Variants in ANKRD6 observed in about 807,000 individuals in gnomAD.
ANKRD6 encodes ankyrin repeat domain 6.
Under a neutral mutation model 82.3 loss-of-function variants are expected in ANKRD6, and 56 were observed. The observed-to-expected ratio is 0.68, with a 90% CI of 0.55 to 0.85. The LOEUF (loss-of-function observed/expected upper bound fraction) is 0.85, where lower values mean the gene tolerates loss of function less well. Among genes scored for constraint, ANKRD6 ranks in the 40% least tolerant of loss-of-function variants. ANKRD6 has a pLI of 0.00. For missense variants in ANKRD6, 852 were observed against 907.6 expected, an observed-to-expected ratio of 0.94 and a Z score of 0.79; for synonymous variants, 347 against 352.1, an observed-to-expected ratio of 0.99 and a Z score of 0.16.
chr6:89,445,470 T>A (rs1010330709), intron 1 of ANKRD6, among the ~76,000 whole-genome samples: 2 of 151,328 alleles, frequency 1.3e-5, no homozygotes, highest in Admixed American at 6.6e-5. Flanking sequence ...TTATTTGACA[T>A]GGAGTCTCCC....
rs532273714 is a variant in ANKRD6, at chr6:89,433,211, G to C, written c.-308G>C. The stretch of plus-strand genomic sequence containing the variant: ...GCCACAGGTAACCCGCAGGAGCCGA[G>C]AGCGCTGCCTGGCGCGCGGGCGGCT... On this transcript the variant is annotated 5_prime_UTR_variant, in exon 1 of 16. Transcript: ENST00000339746. This position sits in a 1 kb window ranked among gnomAD's most constrained non-coding sequence, Gnocchi z 4.3. 4.6e-5 allele frequency: 7 copies of C among 151,746 alleles called. No individual in the cohort carries two copies. The highest frequency in any genetic ancestry group is 1.7e-4 in the African/African-American group (7 of 41,484). 9.4% of individuals were successfully genotyped at this position (151,746 alleles called of 1,614,324 possible). A position where few individuals can be genotyped will look rare whatever the true frequency, so the allele number is the denominator to read the frequency against.
intron 2 of ANKRD6, among the ~76,000 whole-genome samples, chr6:89,577,654 C>T (rs753461091): frequency 1.3e-5 from 2 of 152,126 alleles, no homozygotes; most frequent in Non-Finnish European, 2.9e-5. Context: ...CCTGTCTTTA[C>T]AGAAAATAAA....
intron 1 of ANKRD6, among the ~76,000 whole-genome samples, chr6:89,437,144 TA>T (rs1457746682): frequency 6.6e-6 from 1 of 152,186 alleles, no homozygotes; most frequent in East Asian, 1.9e-4. Context: ...AATGGTTTCC[TA>T]AGTCAAAAAA....
chr6:89,554,446 C>CTTT (rs11484125), intron 1 of ANKRD6, among the ~76,000 whole-genome samples: 290 of 149,610 alleles, frequency 1.9e-3, no homozygotes, highest in African/African-American at 5.2e-3. Context: ...TTAATCACGT[C>CTTT]TTTTTTTTTT....
chr6:89,535,416 AAC>A (rs1253568054), intron 1 of ANKRD6, among the ~76,000 whole-genome samples: 1 of 152,226 alleles, frequency 6.6e-6, no homozygotes, highest in African/African-American at 2.4e-5. Context: ...CAGCTGAAAC[AAC>A]AGACTAAAAC....
At chr6:89,574,053 C>T (rs1427188803) in intron 2 of ANKRD6, among the ~76,000 whole-genome samples, 1 of 152,188 alleles carries the variant, frequency 6.6e-6, no homozygotes, top group Non-Finnish European at 1.5e-5. Context: ...CATAGTGTCT[C>T]TCTTACATTT....
intron 14 of ANKRD6, 124 bp downstream of exon 14, chr6:89,627,820 G>A (rs1175354429): frequency 2.8e-6 from 2 of 711,106 alleles, no homozygotes; most frequent in Non-Finnish European, 4.6e-6. Flanking sequence ...ATTATATAGT[G>A]TATCATTTTT....
intron 1 of ANKRD6, among the ~76,000 whole-genome samples, chr6:89,497,468 T>C (rs1778761327): frequency 6.6e-6 from 1 of 152,170 alleles, no homozygotes; most frequent in Non-Finnish European, 1.5e-5. Flanking sequence ...TATTTATAAT[T>C]TTCTGCTTTG....
chr6:89,598,938 T>C (rs1032406755), intron 3 of ANKRD6, among the ~76,000 whole-genome samples: 1 of 152,164 alleles, frequency 6.6e-6, no homozygotes, highest in African/African-American at 2.4e-5. Context: ...CTTCACAGGT[T>C]GGAAGCAGCT....
chr6:89,517,192 T>C (rs769399643), intron 1 of ANKRD6, among the ~76,000 whole-genome samples: 1 of 152,218 alleles, frequency 6.6e-6, no homozygotes, highest in Non-Finnish European at 1.5e-5. Context: ...TAAGCCACCA[T>C]GTTTGTGTAA....
At chr6:89,603,208 A>C in intron 4 of ANKRD6, 81 bp downstream of exon 4, 3 of 1,198,298 alleles carry the variant, frequency 2.5e-6, no homozygotes, top group Non-Finnish European at 2.4e-6. Flanking sequence ...CCGCTCTGGA[A>C]ACTTTTGAGT....
At position 89,631,309 on chromosome 6, in the gene ANKRD6, C is replaced by T. The variant is rs1584034424; in HGVS notation, c.*305C>T. ...AAGCAAGCCATGCCAAGAAACTGGA[C>T]GATGTGTAAGCCTAGACTCTAAAAT... On this transcript the variant is annotated 3_prime_UTR_variant, in exon 16 of 16. Transcript: ENST00000339746. 8.2e-6 allele frequency: 2 copies of T among 245,096 alleles called. No homozygotes were observed. The highest frequency in any genetic ancestry group is 1.1e-4 in the South Asian group (1 of 8,758). The allele number at this position is 245,096 out of a possible 1,614,324, so 15.2% of individuals were successfully genotyped here.
At chr6:89,603,199 C>A in intron 4 of ANKRD6, 72 bp downstream of exon 4, 1 of 1,399,152 alleles carries the variant, frequency 7.1e-7, no homozygotes, top group Non-Finnish European at 9.8e-7. Context: ...TGGAGGAGCC[C>A]GCTCTGGAAA....
At chr6:89,444,242 C>T (rs1193826623) in intron 1 of ANKRD6, among the ~76,000 whole-genome samples, 1 of 152,226 alleles carries the variant, frequency 6.6e-6, no homozygotes, top group Non-Finnish European at 1.5e-5. Context: ...GGCTTGCTTA[C>T]TGAAGCCTTT....
At chr6:89,570,700 C>T (rs1371805671) in intron 2 of ANKRD6, among the ~76,000 whole-genome samples, 1 of 152,220 alleles carries the variant, frequency 6.6e-6, no homozygotes, top group Non-Finnish European at 1.5e-5. Flanking sequence ...TCAAGATTCA[C>T]TCATGTAGCA....
intron 1 of ANKRD6, among the ~76,000 whole-genome samples, chr6:89,494,171 C>T (rs188624363): frequency 1.6e-3 from 247 of 152,050 alleles, no homozygotes; most frequent in African/African-American, 5.8e-3. Flanking sequence ...AAAAAATGAG[C>T]GGCGTTGGTA....
chr6:89,542,321 T>G (rs1784536196), intron 1 of ANKRD6, among the ~76,000 whole-genome samples: 1 of 152,204 alleles, frequency 6.6e-6, no homozygotes, highest in African/African-American at 2.4e-5. Flanking sequence ...ACTGTCTAGT[T>G]GCTGCTTGTC....
chr6:89,598,433 T>C, intron 3 of ANKRD6: 52 of 865,756 alleles, frequency 6.0e-5, no homozygotes, highest in Non-Finnish European at 6.8e-5. Context: ...GAAAAAGAGG[T>C]CAGCAACTTG....
chr6:89,624,873 A>G (rs1024102723), intron 13 of ANKRD6, among the ~76,000 whole-genome samples, 182 bp downstream of exon 13: 11 of 152,246 alleles, frequency 7.2e-5, no homozygotes, highest in Admixed American at 5.2e-4. Context: ...TTTAAAGAAC[A>G]TGTTTAAATT....
Sources: allele counts gnomAD v4.1 joint callset (sites outside exome capture counted in the v4.1 genomes callset), GRCh38; gene constraint gnomAD v4.1.1; non-coding constraint Gnocchi (gnomAD v3.1); transcripts MANE v1.5; gene names NCBI Gene and HGNC (gene_info 2026-07-23, HGNC 2026-07-21).